DAB1: variants seen among roughly 807,000 people sequenced by gnomAD.
The protein encoded by DAB1 is disabled homolog 1.
In DAB1, 15 loss-of-function variants were observed where a neutral mutation model predicts 64.6. The ratio of observed to expected loss-of-function variants is 0.23; its 90% CI spans 0.16 to 0.36. The LOEUF is 0.36. Ranked by LOEUF, DAB1 falls within the 10% of genes least tolerant of loss-of-function variation. The pLI is 1.00. For missense variants in DAB1, 596 were observed against 706.7 expected, an observed-to-expected ratio of 0.84 and a Z score of 1.78; for synonymous variants, 235 against 251.9, an observed-to-expected ratio of 0.93 and a Z score of 0.64.
At chr1:58,144,106 G>A (rs1654459850) in intron 5 of DAB1, among the ~76,000 whole-genome samples, 2 of 152,102 alleles carry the variant, frequency 1.3e-5, no homozygotes, top group South Asian at 2.1e-4. Flanking sequence ...TCATTTAGAC[G>A]GGAACTACCA....
chr1:57,624,812 G>C (rs1349530343), intron 7 of DAB1, among the ~76,000 whole-genome samples: 1 of 152,126 alleles, frequency 6.6e-6, no homozygotes, highest in Non-Finnish European at 1.5e-5. Flanking sequence ...TACATATGCT[G>C]GCAGACACTA....
At chr1:58,399,400 A>G (rs1644551262) in intron 3 of DAB1, among the ~76,000 whole-genome samples, 1 of 152,136 alleles carries the variant, frequency 6.6e-6, no homozygotes, top group Non-Finnish European at 1.5e-5. Flanking sequence ...CAAGCCTCCC[A>G]CCTCTTAGGC....
intron 2 of DAB1, among the ~76,000 whole-genome samples, chr1:58,518,465 G>A (rs1301853827): frequency 1.3e-5 from 2 of 151,878 alleles, no homozygotes; most frequent in African/African-American, 4.8e-5. Flanking sequence ...TGGAATGGAG[G>A]GGAGTAGGAC....
intron 9 of DAB1, among the ~76,000 whole-genome samples, chr1:57,037,288 A>C (rs1203013912): frequency 6.6e-6 from 1 of 152,222 alleles, no homozygotes; most frequent in African/African-American, 2.4e-5. Context: ...TCTTCAATGA[A>C]CATTCACTGG....
At chr1:57,471,887 A>C (rs780083864) in intron 7 of DAB1, among the ~76,000 whole-genome samples, 1 of 152,212 alleles carries the variant, frequency 6.6e-6, no homozygotes, top group Non-Finnish European at 1.5e-5. Context: ...AGTTTAATGT[A>C]AATGTGGATG....
chr1:57,952,001 T>C (rs527557052), intron 5 of DAB1, among the ~76,000 whole-genome samples: 97 of 152,178 alleles, frequency 6.4e-4, no homozygotes, highest in Non-Finnish European at 1.1e-3. Context: ...GCATCCTGGG[T>C]GGACTCACTG....
chr1:57,672,868 A>T (rs557443086), intron 6 of DAB1, among the ~76,000 whole-genome samples: 1 of 152,286 alleles, frequency 6.6e-6, no homozygotes, highest in African/African-American at 2.4e-5. Flanking sequence ...CTATTGGCTA[A>T]CATAGCTTTT....
chr1:57,546,080 T>A (rs1644853029), intron 7 of DAB1, among the ~76,000 whole-genome samples: 1 of 150,796 alleles, frequency 6.6e-6, no homozygotes, highest in African/African-American at 2.4e-5. Flanking sequence ...TGTGTGTGTG[T>A]GTGTGTGTGT....
chr1:57,510,139 C>T (rs1374528554), intron 7 of DAB1, among the ~76,000 whole-genome samples: 1 of 152,196 alleles, frequency 6.6e-6, no homozygotes, highest in Non-Finnish European at 1.5e-5. Context: ...ACACACACAA[C>T]TGCAGTTCCC....
chr1:57,466,050 G>A (rs1282044521), intron 7 of DAB1, among the ~76,000 whole-genome samples: 1 of 152,114 alleles, frequency 6.6e-6, no homozygotes. Context: ...GCAAGACCCT[G>A]GTTAAGAAGG....
chr1:57,302,636 C>A (rs940581632), intron 1 of DAB1, among the ~76,000 whole-genome samples: 1 of 152,064 alleles, frequency 6.6e-6, no homozygotes. Flanking sequence ...CAGAGTCTCA[C>A]TCTGTTGCCC....
chr1:57,787,403 A>T (rs1358881402), intron 6 of DAB1, among the ~76,000 whole-genome samples: 1 of 152,166 alleles, frequency 6.6e-6, no homozygotes, highest in African/African-American at 2.4e-5. Context: ...TACCAAGTAC[A>T]ATGGCAATTT....
At chr1:57,073,030 A>G (rs143381342) in intron 4 of DAB1, among the ~76,000 whole-genome samples, 2 of 152,250 alleles carry the variant, frequency 1.3e-5, no homozygotes, top group East Asian at 3.9e-4. Flanking sequence ...CTTTTTATCC[A>G]CTTGCCCAAA....
At chr1:57,088,540 C>T (rs183350505) in intron 4 of DAB1, among the ~76,000 whole-genome samples, 60 of 152,308 alleles carry the variant, frequency 3.9e-4, no homozygotes, top group Non-Finnish European at 6.9e-4. Flanking sequence ...GGGTAGGAGC[C>T]TAAGTTTGAT....
chr1:57,876,798 AG>A (rs1421378059), intron 1 of DAB1: 1 of 152,166 alleles, frequency 6.6e-6, no homozygotes, highest in Admixed American at 6.5e-5. Flanking sequence ...CACCAAGAAA[AG>A]AAGACAGGAG....
chr1:57,874,880 G>A (rs998265075), intron 1 of DAB1: 2 of 152,158 alleles, frequency 1.3e-5, no homozygotes, highest in Non-Finnish European at 2.9e-5. Context: ...ATTTCACAAC[G>A]TGGTCCCAAC....
chr1:57,427,643 CAG>C (rs1398452400), upstream of DAB1, among the ~76,000 whole-genome samples: 2 of 152,142 alleles, frequency 1.3e-5, no homozygotes, highest in East Asian at 3.9e-4. Context: ...TTCAATTAGC[CAG>C]AGAGTAATAA....
rs528160972 is a variant in DAB1 at position 58,098,459 on chromosome 1, G to C, written n.387+52052C>G. ...CAGTGACACCATAGGCCAGTAATGA[G>C]AGGATCAATACCTCAACTTACTCTC... On this transcript the variant is annotated intron_variant and non_coding_transcript_variant, in intron 5 of 20. Transcript: ENST00000485760. Among the ~76,000 whole-genome samples, 3 of 152,228 alleles carry C rather than the reference G, an allele frequency of 2.0e-5. No homozygotes were observed. The South Asian group carries it at 6.2e-4, about 32-fold the overall frequency.
chr1:58,026,170 C>T (rs754127101), intron 5 of DAB1, among the ~76,000 whole-genome samples: 1 of 152,120 alleles, frequency 6.6e-6, no homozygotes, highest in African/African-American at 2.4e-5. Context: ...AAGGTTCATA[C>T]GCATTCAATG....
Sources: allele counts gnomAD v4.1 joint callset (sites outside exome capture counted in the v4.1 genomes callset), GRCh38; gene constraint gnomAD v4.1.1; transcripts MANE v1.5; gene names NCBI Gene and HGNC (gene_info 2026-07-23, HGNC 2026-07-21).